Variants in ACOXL observed in about 807,000 individuals in gnomAD.
ACOXL encodes the protein acyl-CoA oxidase like.
Under a neutral mutation model 71.9 loss-of-function variants are expected in ACOXL, and 70 were observed. The observed-to-expected ratio is 0.97, with a 90% CI of 0.80 to 1.19. The LOEUF (loss-of-function observed/expected upper bound fraction) is 1.19, where lower values mean the gene tolerates loss of function less well. ACOXL is among the 50% of genes most tolerant of loss of function. ACOXL has a pLI of 0.00. For missense variants in ACOXL, 703 were observed against 736.3 expected (o/e 0.95, Z 0.52); for synonymous variants, 253 against 281.6 (o/e 0.90, Z 1.02).
chr2:111,086,360 C>T (rs1217032600), intron 16 of ACOXL, among the ~76,000 whole-genome samples: 5 of 152,154 alleles, frequency 3.3e-5, no homozygotes, highest in Non-Finnish European at 5.9e-5. Context: ...AAAAGCTAAT[C>T]CACCAGGATC....
At position 110,737,437 on chromosome 2, in the gene ACOXL, A is replaced by G. The variant is rs191900960; in HGVS notation, c.-23+4663A>G. 1.1e-4 allele frequency among the ~76,000 whole-genome samples: 17 copies of G among 152,312 alleles called. No individual in the cohort carries two copies. The East Asian group carries it at 3.1e-3, about 28-fold the overall frequency. On this transcript the variant is annotated intron_variant, in intron 1 of 17. Transcript: ENST00000439055. ...TCAGTGTATCACCATTTTTACTTAA[A>G]TCAGTATCCAGTGTTCACATTGTTA... is the stretch of plus-strand genomic sequence containing the variant.
At chr2:110,861,673 AG>A (rs1693972418) in intron 10 of ACOXL, among the ~76,000 whole-genome samples, 1 of 152,208 alleles carries the variant, frequency 6.6e-6, no homozygotes, top group Admixed American at 6.5e-5. Flanking sequence ...ATGGAACAAA[AG>A]CTCTCTGTCT....
intron 14 of ACOXL, among the ~76,000 whole-genome samples, chr2:110,997,670 GAATC>G: frequency 6.6e-6 from 1 of 152,098 alleles, no homozygotes; most frequent in East Asian, 1.9e-4. Flanking sequence ...ACACAAAAAA[GAATC>G]AAAATGAATA....
rs1686488694 is a variant in ACOXL, at chr2:110,805,248, C to T, written c.621-15C>T. On this transcript the variant is annotated splice_polypyrimidine_tract_variant and intron_variant, in intron 8 of 17. Transcript: ENST00000439055. ...GTCCTGCTTTTTTGTGAAACCCCAC[C>T]TCTCTTTTCCACAGGTTTGGTTCCG... 2 of 1,613,636 alleles carry T rather than the reference C, an allele frequency of 1.2e-6. No individual in the cohort carries two copies. Among genetic ancestry groups the T allele is most frequent in the Admixed American group, 1.7e-5 (1 of 59,944 alleles).
chr2:110,883,656 T>C (rs868558026), intron 10 of ACOXL, among the ~76,000 whole-genome samples: 1 of 152,222 alleles, frequency 6.6e-6, no homozygotes, highest in Admixed American at 6.5e-5. Context: ...ATACCAGCCT[T>C]CTTAACACAC....
At chr2:110,812,538 C>T (rs1687459504) in intron 9 of ACOXL, among the ~76,000 whole-genome samples, 1 of 152,170 alleles carries the variant, frequency 6.6e-6, no homozygotes. Context: ...TCCTTTAGCT[C>T]CCACTATAGG....
chr2:111,031,555 G>A lies in ACOXL; in HGVS notation c.1282-72G>A, dbSNP rs117649223. On this transcript the variant is annotated intron_variant, in intron 14 of 17. Transcript: ENST00000439055. ...AGTACTGAAAATTTGGATGTTTGCC[G>A]TCTGTCTTGCTATTAAGTTAGACTC... The A allele has an allele frequency of 2.6e-3, 3,635 of 1,397,622 alleles. 47 individuals are homozygous for A. Among genetic ancestry groups the A allele is most frequent in the South Asian group, 0.026 (2,209 of 86,304 alleles). 86.6% of individuals were successfully genotyped at this position (1,397,622 alleles called of 1,614,324 possible). A position where few individuals can be genotyped will look rare whatever the true frequency, so the allele number is the denominator to read the frequency against.
Position 110,751,618 on chromosome 2 carries a change from G to T in ACOXL, c.-22-16750G>T, listed in dbSNP as rs139933564. 3.2e-3 allele frequency among the ~76,000 whole-genome samples: 480 copies of T among 152,284 alleles called. 3 individuals are homozygous for T. The highest frequency in any genetic ancestry group is 0.011 in the African/African-American group (455 of 41,558). On this transcript the variant is annotated intron_variant, in intron 1 of 17. Coordinates refer to ENST00000439055, the MANE Select transcript of ACOXL (RefSeq NM_001142807.4). ...ACAATGAAATGCAAAAATCTTAAGT[G>T]TACATTCTCAGGGCTTTGCCAAATA...
chr2:110,799,797 CCAAT>C (rs1156463665), intron 7 of ACOXL, among the ~76,000 whole-genome samples: 1 of 151,988 alleles, frequency 6.6e-6, no homozygotes, highest in African/African-American at 2.4e-5. Context: ...GTAAAATGCA[CCAAT>C]CAGTGCTCTG....
chr2:111,015,642 T>C (rs1164419044), intron 14 of ACOXL, among the ~76,000 whole-genome samples: 1 of 152,192 alleles, frequency 6.6e-6, no homozygotes, highest in Non-Finnish European at 1.5e-5. Context: ...AATTAAAATA[T>C]ATTCTCACAA....
chr2:110,938,098 C>T (rs991646138), intron 12 of ACOXL, among the ~76,000 whole-genome samples: 2 of 152,200 alleles, frequency 1.3e-5, no homozygotes, highest in Non-Finnish European at 2.9e-5. Context: ...GCTCAGAGTA[C>T]TCAGTGCGAA....
intron 12 of ACOXL, among the ~76,000 whole-genome samples, chr2:110,950,093 C>T (rs887452762): frequency 1.6e-4 from 24 of 151,792 alleles, no homozygotes; most frequent in Non-Finnish European, 1.0e-4. Context: ...GGTACATGTG[C>T]ACAATGTGCA....
At chr2:111,033,117 A>C (rs2065350708) in intron 15 of ACOXL, among the ~76,000 whole-genome samples, 1 of 152,174 alleles carries the variant, frequency 6.6e-6, no homozygotes, top group African/African-American at 2.4e-5. Context: ...CCACACTCTG[A>C]AATGACCATG....
chr2:111,098,099 T>G (rs914268588), intron 17 of ACOXL, among the ~76,000 whole-genome samples: 1 of 152,232 alleles, frequency 6.6e-6, no homozygotes, highest in African/African-American at 2.4e-5. Flanking sequence ...GCATGTACTC[T>G]GTGGTGTGAT....
chr2:110,880,980 C>T (rs1339988925), intron 10 of ACOXL, among the ~76,000 whole-genome samples: 1 of 152,180 alleles, frequency 6.6e-6, no homozygotes. Flanking sequence ...TGTGGGACTA[C>T]ACAAATATCT....
intron 2 of ACOXL, among the ~76,000 whole-genome samples, chr2:110,777,905 G>T (rs1682850899): frequency 6.6e-6 from 1 of 152,230 alleles, no homozygotes; most frequent in Non-Finnish European, 1.5e-5. Context: ...TAGAATGTGG[G>T]TAGCATTAGT....
rs114141533 is a variant in ACOXL at position 110,997,781 on chromosome 2, G to A, written c.1281+1777G>A. 3.7e-3 allele frequency among the ~76,000 whole-genome samples: 569 copies of A among 152,314 alleles called. 1 individual carries two copies. The highest frequency in any genetic ancestry group is 6.9e-3 in the Non-Finnish European group (472 of 68,030). ...AAAACAGTCACGAAATTGGCTGGGC[G>A]TGGTGGCTCATGCCTGCAATTCCAG... On this transcript the variant is annotated intron_variant, in intron 14 of 17. Transcript: ENST00000439055.
chr2:110,757,818 G>A (rs1679899326), intron 1 of ACOXL, among the ~76,000 whole-genome samples: 1 of 151,552 alleles, frequency 6.6e-6, no homozygotes, highest in Admixed American at 6.6e-5. Context: ...TAGATCGATT[G>A]CAAGAATTTT....
At chr2:110,848,619 A>T (rs913749241) in intron 10 of ACOXL, among the ~76,000 whole-genome samples, 5 of 152,232 alleles carry the variant, frequency 3.3e-5, no homozygotes, top group Non-Finnish European at 7.3e-5. Context: ...TTAATGTAGC[A>T]GATGGATGTG....
Sources: allele counts gnomAD v4.1 joint callset (sites outside exome capture counted in the v4.1 genomes callset), GRCh38; gene constraint gnomAD v4.1.1; transcripts MANE v1.5; gene names NCBI Gene and HGNC (gene_info 2026-07-23, HGNC 2026-07-21).